The following GNAS variants were observed in gnomAD, a reference collection of about 807,000 sequenced individuals.
The protein encoded by GNAS is protein ALEX.
A neutral mutation model predicts 54.5 loss-of-function variants in GNAS; 8 were observed. The observed-to-expected ratio is 0.15, with a 90% CI of 0.09 to 0.26. The LOEUF is 0.26. GNAS is among the 10% of genes least tolerant of loss of function. The probability of loss-of-function intolerance (pLI) is 1.00; values close to 1 mark genes in which losing one functional copy is unlikely to be tolerated. For missense variants in GNAS, 170 were observed against 529.8 expected, an observed-to-expected ratio of 0.32 and a Z score of 6.67; for synonymous variants, 204 against 191.4, an observed-to-expected ratio of 1.07 and a Z score of -0.54.
At chr20:58,847,735 T>A (rs1454650635) in intron 1 of GNAS, among the ~76,000 whole-genome samples, 1 of 152,194 alleles carries the variant, frequency 6.6e-6, no homozygotes, top group Non-Finnish European at 1.5e-5. Flanking sequence ...TGGTTTCTGT[T>A]CCCTTCCCTT....
At position 58,854,629 on chromosome 20, in the gene GNAS, C is replaced by T. The variant is rs1407130837; in HGVS notation, c.43+13743C>T. On this transcript the variant is annotated intron_variant, in intron 1 of 12. Coordinates refer to the GNAS transcript ENST00000306090. ...CCTGACGCCCCAGCCGATCCCGACT[C>T]CGGGGCGGCCCCTGACGCCCCAGCC... The T allele has an allele frequency of 2.0e-6, 3 of 1,535,056 alleles. No individual in the cohort carries two copies. In the Admixed American group the frequency reaches 5.9e-5, roughly 30 times the overall value.
chr20:58,847,044 G>A (rs1230640810), intron 1 of GNAS, among the ~76,000 whole-genome samples: 1 of 152,148 alleles, frequency 6.6e-6, no homozygotes, highest in Non-Finnish European at 1.5e-5. Flanking sequence ...TCTGGAGAAG[G>A]AATCCACAAA....
intron 1 of GNAS, among the ~76,000 whole-genome samples, chr20:58,852,320 G>A (rs1040366151): frequency 6.6e-6 from 1 of 152,108 alleles, no homozygotes; most frequent in Non-Finnish European, 1.5e-5. Flanking sequence ...AACAAAAGCA[G>A]CAAAAAGTAC....
chr20:58,845,202 C>T (rs1206306766), intron 1 of GNAS, among the ~76,000 whole-genome samples: 2 of 152,134 alleles, frequency 1.3e-5, no homozygotes, highest in Non-Finnish European at 2.9e-5. Flanking sequence ...GGTTGAGTGA[C>T]CACAAGTGCT....
rs533931638 is a variant in GNAS, at chr20:58,907,867, A to G, written c.531-1295A>G. On this transcript the variant is annotated intron_variant, in intron 6 of 12. Coordinates refer to ENST00000371085, the MANE Select transcript of GNAS (RefSeq NM_000516.7). ...AAGTTCAGATACTGGTAGTGTGCCC[A>G]TTTCTTAAGCTGTCTATTTTTATTT... is the stretch of plus-strand genomic sequence containing the variant. Among the ~76,000 whole-genome samples the G allele has an allele frequency of 3.3e-5, 5 of 152,278 alleles. No homozygotes were observed. The South Asian group carries it at 6.2e-4, about 19-fold the overall frequency.
chr20:58,840,229 C>A (rs758474465), upstream of GNAS: 2 of 1,611,076 alleles, frequency 1.2e-6, no homozygotes, highest in Non-Finnish European at 1.7e-6. The surrounding 1 kb of genome is among the most constrained non-coding windows in gnomAD (Gnocchi z 6.0). Flanking sequence ...CCATCGCGCT[C>A]CTCCGCGCCC....
rs200145695 is a variant in GNAS, at chr20:58,883,407, C to T, written c.44-12205C>T. On this transcript the variant is annotated intron_variant, in intron 1 of 12. Coordinates refer to the GNAS transcript ENST00000306090. ...CAAGAAAGCAGGCAGAGGCAGCCTT[C>T]CCAGTATTGGGCGGCGTGACAGAGA... is the stretch of plus-strand genomic sequence containing the variant. 3.3e-4 allele frequency among the ~76,000 whole-genome samples: 50 copies of T among 152,282 alleles called. No homozygotes were observed. The East Asian group carries it at 8.9e-3, about 27-fold the overall frequency.
intron 1 of GNAS, among the ~76,000 whole-genome samples, chr20:58,877,238 G>A (rs1437023627): frequency 6.6e-6 from 1 of 152,068 alleles, no homozygotes; most frequent in African/African-American, 2.4e-5. Context: ...GGTACAGAGT[G>A]CAAAGCGGCT....
intron 5 of GNAS, among the ~76,000 whole-genome samples, chr20:58,904,291 A>AAC (rs1456643388): frequency 4.0e-5 from 6 of 151,846 alleles, no homozygotes; most frequent in Non-Finnish European, 7.3e-5. Flanking sequence ...TCTCATTTTA[A>AAC]ACAGGTGACC....
At chr20:58,871,820 C>G (rs1385074378) in intron 1 of GNAS, among the ~76,000 whole-genome samples, 1 of 151,858 alleles carries the variant, frequency 6.6e-6, no homozygotes, top group Non-Finnish European at 1.5e-5. Context: ...CTCTAAGCAC[C>G]AAATGGGGTC....
intron 1 of GNAS, among the ~76,000 whole-genome samples, chr20:58,851,594 C>T (rs540961481): frequency 6.6e-6 from 1 of 152,302 alleles, no homozygotes; most frequent in Admixed American, 6.5e-5. Context: ...CTCTGCAGAC[C>T]CCAGACCAGA....
intron 1 of GNAS, among the ~76,000 whole-genome samples, chr20:58,851,421 T>A (rs1021444628): frequency 6.6e-6 from 1 of 152,004 alleles, no homozygotes; most frequent in Admixed American, 6.6e-5. Context: ...CAGCCTCCCC[T>A]CCCCCAGGGT....
chr20:58,853,165 C>A lies in GNAS; in HGVS notation c.43+12279C>A, dbSNP rs950026786. On this transcript the variant is annotated intron_variant, in intron 1 of 12. Coordinates refer to the GNAS transcript ENST00000306090. The surrounding 1 kb of genome is among the most constrained non-coding windows in gnomAD (Gnocchi z 4.4). ...AGGCCGGTGAACTTTCCAGCTGGTACTTTGATTTTAAAATAATAATAATAA... is the reference window on the plus strand; with the variant it reads ...AGGCCGGTGAACTTTCCAGCTGGTAATTTGATTTTAAAATAATAATAATAA... The A allele has an allele frequency of 3.5e-6, 5 of 1,440,868 alleles. No homozygotes were observed. The highest frequency in any genetic ancestry group is 5.0e-5 in the East Asian group (2 of 39,968). 89.3% of individuals were successfully genotyped at this position (1,440,868 alleles called of 1,614,324 possible).
intron 1 of GNAS, chr20:58,842,317 C>G (rs552233617): frequency 2.5e-6 from 1 of 397,842 alleles, no homozygotes; most frequent in Admixed American, 4.4e-5. Flanking sequence ...TTTGCGCCGG[C>G]TTAATTATAC....
chr20:58,854,878 C>T (rs769246283), intron 1 of GNAS: 2 of 1,594,198 alleles, frequency 1.3e-6, no homozygotes, highest in South Asian at 1.1e-5. Flanking sequence ...ATCCAGGCTG[C>T]CGATCCGCCT....
At chr20:58,878,677 G>A (rs973146992) in intron 1 of GNAS, among the ~76,000 whole-genome samples, 1 of 152,136 alleles carries the variant, frequency 6.6e-6, no homozygotes, top group Non-Finnish European at 1.5e-5. Context: ...CAGAGATGGA[G>A]GAACAGTGAT....
upstream of GNAS, among the ~76,000 whole-genome samples, chr20:58,890,995 G>T (rs1369383285): frequency 6.6e-6 from 1 of 151,140 alleles, no homozygotes; most frequent in Non-Finnish European, 1.5e-5. Flanking sequence ...GCCCGCGGGA[G>T]GGGGAGGAGG....
At chr20:58,886,719 G>C (rs907640768), upstream of GNAS, among the ~76,000 whole-genome samples, 1 of 151,980 alleles carries the variant, frequency 6.6e-6, no homozygotes, top group African/African-American at 2.4e-5. Flanking sequence ...CAAAAGCTCA[G>C]TAAAATCTCT....
chr20:58,899,649 T>TCACACA (rs371284636), intron 3 of GNAS, among the ~76,000 whole-genome samples: 1 of 133,366 alleles, frequency 7.5e-6, no homozygotes, highest in Non-Finnish European at 1.7e-5. Flanking sequence ...CCCACACCCA[T>TCACACA]CACACACACA....
Sources: allele counts gnomAD v4.1 joint callset (sites outside exome capture counted in the v4.1 genomes callset), GRCh38; gene constraint gnomAD v4.1.1; non-coding constraint Gnocchi (gnomAD v3.1); transcripts MANE v1.5; gene names NCBI Gene and HGNC (gene_info 2026-07-23, HGNC 2026-07-21).